Variants in ADCY5 observed in about 807,000 individuals in gnomAD.
ADCY5 encodes the protein adenylate cyclase 5.
ADCY5 carries 30 observed loss-of-function variants against 119.7 expected under a neutral mutation model. That is an observed-to-expected ratio of 0.25 (90% confidence interval 0.19 to 0.34). The LOEUF (loss-of-function observed/expected upper bound fraction) is 0.34. Among genes scored for constraint, ADCY5 ranks in the 10% least tolerant of loss-of-function variants. The pLI is 1.00. For missense variants in ADCY5, 1,324 were observed against 1,775.2 expected (o/e 0.75, Z 4.57); for synonymous variants, 753 against 762.2 (o/e 0.99, Z 0.20).
At chr3:123,368,338 G>A (rs535170956) in intron 1 of ADCY5, among the ~76,000 whole-genome samples, 15 of 152,348 alleles carry the variant, frequency 9.8e-5, no homozygotes, top group Admixed American at 5.9e-4. Context: ...GCTCACGCCT[G>A]TAATCCCAGC....
At chr3:123,384,728 C>T (rs1419114330) in intron 1 of ADCY5, among the ~76,000 whole-genome samples, 1 of 152,184 alleles carries the variant, frequency 6.6e-6, no homozygotes, top group Non-Finnish European at 1.5e-5. Context: ...TTCCCACCTT[C>T]CCACTCTGAA....
intron 4 of ADCY5, 135 bp downstream of exon 4, chr3:123,332,429 T>C (rs1284316390): frequency 3.0e-6 from 2 of 676,090 alleles, no homozygotes; most frequent in African/African-American, 3.6e-5. Context: ...CCTCTGCCCA[T>C]CACCAGCAGG....
chr3:123,327,050 T>C (rs1941527634), intron 7 of ADCY5, among the ~76,000 whole-genome samples: 1 of 152,222 alleles, frequency 6.6e-6, no homozygotes, highest in South Asian at 2.1e-4. Context: ...CTTGATTTGC[T>C]TTAAAAATTA....
At chr3:123,323,569 C>A (rs528771867) in intron 8 of ADCY5, among the ~76,000 whole-genome samples, 2 of 152,226 alleles carry the variant, frequency 1.3e-5, no homozygotes, top group East Asian at 3.9e-4. Context: ...GCTTCCCCTC[C>A]ACTTCCTGCT....
chr3:123,429,454 C>T (rs991338913), intron 1 of ADCY5, among the ~76,000 whole-genome samples: 5 of 152,112 alleles, frequency 3.3e-5, no homozygotes, highest in African/African-American at 1.2e-4. Flanking sequence ...CATCTGAGAC[C>T]ACAAAGTCTG....
chr3:123,405,562 G>C (rs1202728269), intron 1 of ADCY5, among the ~76,000 whole-genome samples: 1 of 152,138 alleles, frequency 6.6e-6, no homozygotes, highest in Non-Finnish European at 1.5e-5. Context: ...CCAAATGCAA[G>C]GCCCGTGGCC....
intron 15 of ADCY5, among the ~76,000 whole-genome samples, chr3:123,299,816 T>G (rs1939728326): frequency 6.6e-6 from 1 of 152,224 alleles, no homozygotes; most frequent in East Asian, 1.9e-4. Context: ...TGCTGGACCG[T>G]GACTCCTCTG....
intron 1 of ADCY5, among the ~76,000 whole-genome samples, chr3:123,407,057 C>T (rs74537938): frequency 0.028 from 4,199 of 152,268 alleles, 242 homozygotes; most frequent in East Asian, 0.23. Context: ...CACCACATTT[C>T]CCTGAACTGG....
At chr3:123,287,820 GA>G (rs1214415112) in intron 19 of ADCY5, among the ~76,000 whole-genome samples, 1 of 152,276 alleles carries the variant, frequency 6.6e-6, no homozygotes, top group African/African-American at 2.4e-5. Flanking sequence ...GAGTCTGTAG[GA>G]GGGGAGCTGC....
chr3:123,431,502 A>G (rs916750086), intron 1 of ADCY5, among the ~76,000 whole-genome samples: 2 of 152,328 alleles, frequency 1.3e-5, no homozygotes, highest in Admixed American at 1.3e-4. Flanking sequence ...TATTTGACGG[A>G]TCAATAGGCA....
intron 1 of ADCY5, among the ~76,000 whole-genome samples, chr3:123,354,937 A>G (rs1942984516): frequency 6.6e-6 from 1 of 152,258 alleles, no homozygotes; most frequent in Non-Finnish European, 1.5e-5. Context: ...CAACTTAGGA[A>G]TGGAAGGGAA....
chr3:123,367,648 C>T (rs1312667248), intron 1 of ADCY5, among the ~76,000 whole-genome samples: 1 of 152,040 alleles, frequency 6.6e-6, no homozygotes, highest in Non-Finnish European at 1.5e-5. Flanking sequence ...AGGGAGGGGG[C>T]TGACGAAAGG....
At chr3:123,412,243 G>A (rs888654550) in intron 1 of ADCY5, among the ~76,000 whole-genome samples, 5 of 152,218 alleles carry the variant, frequency 3.3e-5, no homozygotes, top group African/African-American at 1.2e-4. Flanking sequence ...TGGGGGCCCT[G>A]TGTCCTACTG....
At chr3:123,400,986 A>G (rs1469039727) in intron 1 of ADCY5, among the ~76,000 whole-genome samples, 2 of 151,878 alleles carry the variant, frequency 1.3e-5, no homozygotes, top group Non-Finnish European at 2.9e-5. Context: ...AAATAAATAA[A>G]GAGCTGATAC....
intron 1 of ADCY5, among the ~76,000 whole-genome samples, chr3:123,376,531 C>T (rs1401376414): frequency 6.6e-6 from 1 of 152,140 alleles, no homozygotes; most frequent in African/African-American, 2.4e-5. Flanking sequence ...GACACCTATT[C>T]CTAGAGGTCT....
intron 18 of ADCY5, among the ~76,000 whole-genome samples, chr3:123,290,155 CCACT>C (rs1320889647): frequency 1.3e-5 from 2 of 152,156 alleles, no homozygotes; most frequent in African/African-American, 4.8e-5. Flanking sequence ...ACTCACTCAC[CCACT>C]GGACAGTGCC....
At chr3:123,338,142 C>CT (rs1209724934) in intron 3 of ADCY5, among the ~76,000 whole-genome samples, 1 of 152,210 alleles carries the variant, frequency 6.6e-6, no homozygotes, top group Non-Finnish European at 1.5e-5. Context: ...ACCTGCACCT[C>CT]CCTGCAGCCT....
intron 1 of ADCY5, among the ~76,000 whole-genome samples, chr3:123,442,295 G>T (rs929400268): frequency 6.6e-5 from 10 of 152,280 alleles, no homozygotes; most frequent in South Asian, 2.1e-4. Context: ...AAGGCACTCA[G>T]CAAGAGGCTG....
rs1190052598 is a variant in ADCY5, at chr3:123,286,547, C to T, written c.3657+138G>A. ...GTTCTCCAAGCTTCCAAGACATCAG[C>T]GTCAACAGCCCCATCACCCTTGAAT... On this transcript the variant is annotated intron_variant, in intron 20 of 20. Transcript: ENST00000462833. The surrounding 1 kb of genome is among the most constrained non-coding windows in gnomAD (Gnocchi z 4.2). The T allele has an allele frequency of 7.4e-6, 9 of 1,214,016 alleles. No homozygotes were observed. The highest frequency in any genetic ancestry group is 2.2e-4 in the Middle Eastern group (1 of 4,614). The allele number at this position is 1,214,016 out of a possible 1,614,324, so 75.2% of individuals were successfully genotyped here. A position where few individuals can be genotyped will look rare whatever the true frequency, so the allele number is the denominator to read the frequency against.
Sources: allele counts gnomAD v4.1 joint callset (sites outside exome capture counted in the v4.1 genomes callset), GRCh38; gene constraint gnomAD v4.1.1; non-coding constraint Gnocchi (gnomAD v3.1); transcripts MANE v1.5; gene names NCBI Gene and HGNC (gene_info 2026-07-23, HGNC 2026-07-21).